SASH1: variants seen among roughly 807,000 people sequenced by gnomAD.
The protein encoded by SASH1 is SAM and SH3 domain-containing protein 1.
SASH1 carries 44 observed loss-of-function variants against 125.2 expected under a neutral mutation model. That is an observed-to-expected ratio of 0.35 (90% confidence interval 0.28 to 0.45). The LOEUF (loss-of-function observed/expected upper bound fraction) is 0.45, where lower values mean the gene tolerates loss of function less well. Ranked by LOEUF, SASH1 falls within the 20% of genes least tolerant of loss-of-function variation. The probability of loss-of-function intolerance (pLI) is 1.00; values close to 1 mark genes in which losing one functional copy is unlikely to be tolerated. For synonymous variants in SASH1, 639 were observed against 649.1 expected (o/e 0.98, Z 0.24); for missense variants, 1,426 against 1,614.5 (o/e 0.88, Z 2.00).
intron 1 of SASH1, among the ~76,000 whole-genome samples, chr6:148,367,785 C>A (rs1782531666): frequency 6.6e-6 from 1 of 152,244 alleles, no homozygotes; most frequent in Non-Finnish European, 1.5e-5. Context: ...ATTTTCTTAT[C>A]TGCAGTGCTG....
intron 1 of SASH1, among the ~76,000 whole-genome samples, chr6:148,298,667 GAGGAAGGAAGGAAGGA>G (rs71031057): frequency 4.5e-3 from 248 of 55,686 alleles, no homozygotes; most frequent in Middle Eastern, 0.015. Context: ...GGGAGGGAGG[GAGGAAGGAAGGAAGGA>G]AGGAAGGAAG....
Position 148,369,368 on chromosome 6 carries a change from T to C in SASH1, c.157-20766T>C, listed in dbSNP as rs141394488. Reference sequence around the variant, plus strand: ...TACTCAGGCAAAGGTGATTTCATTATGATGCAGGAAAGTTTTTTGAAGATA... The same window carrying C: ...TACTCAGGCAAAGGTGATTTCATTACGATGCAGGAAAGTTTTTTGAAGATA... On this transcript the variant is annotated intron_variant, in intron 1 of 19. Coordinates refer to ENST00000367467, the MANE Select transcript of SASH1 (RefSeq NM_015278.5). Among the ~76,000 whole-genome samples the C allele has an allele frequency of 6.3e-3, 956 of 152,324 alleles. 14 individuals carry two copies. The highest frequency in any genetic ancestry group is 0.022 in the African/African-American group (894 of 41,566).
At chr6:148,199,774 AAAGG>A in the SASH1 span, among the ~76,000 whole-genome samples, 15 of 151,172 alleles carry the variant, frequency 9.9e-5, no homozygotes, top group South Asian at 4.2e-4. Flanking sequence ...GAAGAAAAAG[AAAGG>A]AAGGAAGGAA....
Position 148,519,140 on chromosome 6 carries a change from G to T in SASH1, c.863-407G>T, listed in dbSNP as rs1373590849. Among the ~76,000 whole-genome samples the T allele has an allele frequency of 6.6e-6, 1 of 152,160 alleles. No homozygotes were observed. Among genetic ancestry groups the T allele is most frequent in the African/African-American group, 2.4e-5 (1 of 41,440 alleles). ...TTATCACACTCCAACTATAAAAAGC[G>T]ACCAGAGCCAACATAAAGGAGTGCC... On this transcript the variant is annotated intron_variant, in intron 9 of 19. Coordinates refer to ENST00000367467, the MANE Select transcript of SASH1 (RefSeq NM_015278.5). The surrounding 1 kb of genome is among the most constrained non-coding windows in gnomAD (Gnocchi z 4.8).
chr6:148,361,841 A>G (rs990272976), intron 1 of SASH1, among the ~76,000 whole-genome samples: 1 of 152,004 alleles, frequency 6.6e-6, no homozygotes, highest in Non-Finnish European at 1.5e-5. Flanking sequence ...AGTGAGCAAC[A>G]GGAGAGACAG....
intron 1 of SASH1, among the ~76,000 whole-genome samples, chr6:148,324,087 G>A (rs1253816141): frequency 1.0e-4 from 14 of 138,154 alleles, no homozygotes; most frequent in South Asian, 2.3e-4. Context: ...GCCACTGCAC[G>A]CCAGCGTGGT....
chr6:148,241,806 G>C, the SASH1 span, among the ~76,000 whole-genome samples: 2 of 152,128 alleles, frequency 1.3e-5, no homozygotes, highest in African/African-American at 4.8e-5. Context: ...TCTGGGCATG[G>C]GGCTAATTCC....
chr6:148,514,207 A>G (rs1247177622), intron 8 of SASH1, 117 bp from the exon 9 acceptor site: 2 of 1,479,534 alleles, frequency 1.4e-6, no homozygotes, highest in Admixed American at 2.6e-5. Flanking sequence ...GTTGGTTCCC[A>G]AGTTCAGCAA....
intron 1 of SASH1, among the ~76,000 whole-genome samples, chr6:148,319,350 T>C (rs1222576796): frequency 4.0e-5 from 6 of 151,726 alleles, no homozygotes; most frequent in Non-Finnish European, 8.8e-5. Context: ...TATCTTTTTT[T>C]ACCCCCTTCA....
intron 2 of SASH1, among the ~76,000 whole-genome samples, chr6:148,401,305 A>G (rs1350007111): frequency 6.6e-6 from 1 of 152,066 alleles, no homozygotes; most frequent in Non-Finnish European, 1.5e-5. Flanking sequence ...TGACTTTTCA[A>G]CTATTCAATA....
intron 7 of SASH1, among the ~76,000 whole-genome samples, chr6:148,477,643 G>A (rs761417303): frequency 2.6e-5 from 4 of 151,408 alleles, no homozygotes; most frequent in African/African-American, 4.9e-5. Flanking sequence ...CTCCTGCATC[G>A]GCGTCCCGAA....
At chr6:148,304,071 G>A (rs375860380) in intron 1 of SASH1, among the ~76,000 whole-genome samples, 2 of 152,244 alleles carry the variant, frequency 1.3e-5, no homozygotes, top group South Asian at 4.1e-4. Context: ...TTGAGAGGCC[G>A]AGGTGGGTGG....
intron 1 of SASH1, among the ~76,000 whole-genome samples, chr6:148,307,267 T>C (rs1780170044): frequency 1.3e-5 from 2 of 151,866 alleles, no homozygotes; most frequent in African/African-American, 4.8e-5. Context: ...TACAGGTGTG[T>C]GCCACCATGC....
chr6:148,484,983 G>A (rs1489309142), intron 7 of SASH1, among the ~76,000 whole-genome samples: 1 of 152,114 alleles, frequency 6.6e-6, no homozygotes, highest in Non-Finnish European at 1.5e-5. Context: ...CAAAGTTTGG[G>A]TAGGGCACAG....
At chr6:148,257,820 G>A in the SASH1 span, among the ~76,000 whole-genome samples, 6 of 151,800 alleles carry the variant, frequency 4.0e-5, no homozygotes, top group African/African-American at 9.7e-5. Context: ...TAGTAAAGAC[G>A]GGGTTTCAAC....
chr6:148,244,926 G>A, the SASH1 span, among the ~76,000 whole-genome samples: 329 of 137,734 alleles, frequency 2.4e-3, 2 homozygotes, highest in African/African-American at 8.4e-3. Flanking sequence ...GTGTGTGTGT[G>A]TGTGTATGTG....
chr6:148,260,137 A>G, the SASH1 span, among the ~76,000 whole-genome samples: 6 of 152,190 alleles, frequency 3.9e-5, no homozygotes, highest in Non-Finnish European at 7.3e-5. Context: ...TCTTTCATGC[A>G]AGTTTGAATA....
the SASH1 span, among the ~76,000 whole-genome samples, chr6:148,223,822 A>T: frequency 6.6e-6 from 1 of 152,164 alleles, no homozygotes; most frequent in Non-Finnish European, 1.5e-5. Context: ...ATCACCAAAA[A>T]CTTTGGTAGA....
chr6:148,362,589 T>C (rs1409458958), intron 1 of SASH1, among the ~76,000 whole-genome samples: 1 of 150,778 alleles, frequency 6.6e-6, no homozygotes, highest in Non-Finnish European at 1.5e-5. Flanking sequence ...GGTGAGGGTG[T>C]GGTCGTATGA....
Sources: allele counts gnomAD v4.1 joint callset (sites outside exome capture counted in the v4.1 genomes callset), GRCh38; gene constraint gnomAD v4.1.1; non-coding constraint Gnocchi (gnomAD v3.1); transcripts MANE v1.5; gene names NCBI Gene and HGNC (gene_info 2026-07-23, HGNC 2026-07-21).